The following SDK2 variants were observed in gnomAD, a reference collection of about 807,000 sequenced individuals.
SDK2 encodes protein sidekick-2.
Under a neutral mutation model 253.9 loss-of-function variants are expected in SDK2, and 105 were observed. The observed-to-expected ratio is 0.41, with a 90% CI of 0.35 to 0.49. The LOEUF is 0.49. Ranked by LOEUF, SDK2 falls within the 20% of genes least tolerant of loss-of-function variation. The probability of loss-of-function intolerance (pLI) is 0.06; values close to 1 mark genes in which losing one functional copy is unlikely to be tolerated. For missense variants in SDK2, 2,608 were observed against 3,003.0 expected (o/e 0.87, Z 3.07); for synonymous variants, 1,249 against 1,234.9 (o/e 1.01, Z -0.24).
At chr17:73,343,368 T>G (rs1407071728) in intron 44 of SDK2, among the ~76,000 whole-genome samples, 1 of 152,252 alleles carries the variant, frequency 6.6e-6, no homozygotes, top group Admixed American at 6.5e-5. Flanking sequence ...CAGCGACTGC[T>G]GCTCCCGCCT....
chr17:73,517,035 C>CA (rs1390427886), intron 1 of SDK2: 5 of 152,080 alleles, frequency 3.3e-5, no homozygotes, highest in Non-Finnish European at 5.9e-5. Context: ...TACGTCCAGC[C>CA]AAAAAAGTCA....
At position 73,361,776 on chromosome 17, in the gene SDK2, G is replaced by T; in HGVS notation, c.5375C>A (p.Ala1792Glu). 3 of 1,612,310 alleles carry T rather than the reference G, an allele frequency of 1.9e-6. No individual in the cohort carries two copies. Among genetic ancestry groups the T allele is most frequent in the Non-Finnish European group, 2.5e-6 (3 of 1,179,146 alleles). The change falls in exon 39 of 45, where the codon GCG (alanine) becomes GAG (glutamate). Residue 1792 changes from alanine to glutamate, a missense_variant. Ala to Glu is a moderately radical substitution (Grantham distance 107). This residue lies in a region of SDK2 where 1,103 missense variants were observed against 1,143.9 expected (regional missense o/e 0.96). Coordinates refer to ENST00000392650, the MANE Select transcript of SDK2 (RefSeq NM_001144952.2). This position sits in a 1 kb window ranked among gnomAD's most constrained non-coding sequence, Gnocchi z 4.1. ...GCGGAACCTGTAGGTCACCCCCTCC[G>T]CCAGGTCCTTCACCTTCAGCCACAG... is the stretch of plus-strand genomic sequence containing the variant. Reference protein sequence around the residue: ...SPLWLKVKDLAEGVTYRFRIR... With the variant: ...SPLWLKVKDLEEGVTYRFRIR...
chr17:73,341,051 T>G (rs1344889748), intron 44 of SDK2, among the ~76,000 whole-genome samples: 2 of 150,714 alleles, frequency 1.3e-5, no homozygotes, highest in Admixed American at 6.6e-5. Flanking sequence ...GTCTGTTTTT[T>G]TTTTTTTTTT....
At position 73,424,111 on chromosome 17, in the gene SDK2, C is replaced by T. The variant is rs778094931; in HGVS notation, c.1584-19G>A. 27 of 1,602,784 alleles carry T rather than the reference C, an allele frequency of 1.7e-5. No homozygotes were observed. In the African/African-American group the frequency reaches 2.0e-4, roughly 12 times the overall value. ...GATGTACCTAAAAGTAAGAAGAACC[C>T]GTAAGTACAGAGGGAGAGGAAGGTA... is the stretch of plus-strand genomic sequence containing the variant. On this transcript the variant is annotated intron_variant, in intron 12 of 44. Transcript: ENST00000392650.
At chr17:73,494,261 C>A (rs564787868) in intron 2 of SDK2, among the ~76,000 whole-genome samples, 32 of 152,306 alleles carry the variant, frequency 2.1e-4, no homozygotes, top group African/African-American at 7.5e-4. Flanking sequence ...ATGCCATGTC[C>A]CCCAAGGAGT....
intron 2 of SDK2, among the ~76,000 whole-genome samples, chr17:73,483,503 GTGTGTGTA>G (rs1420766129): frequency 6.9e-5 from 7 of 101,904 alleles, no homozygotes; most frequent in African/African-American, 2.4e-4. Flanking sequence ...GTGTGTGTGT[GTGTGTGTA>G]TGTGTGTGTG....
intron 3 of SDK2, among the ~76,000 whole-genome samples, chr17:73,471,233 C>T (rs1438555480): frequency 2.0e-5 from 3 of 152,158 alleles, no homozygotes; most frequent in Non-Finnish European, 4.4e-5. Flanking sequence ...AGGCACCTCC[C>T]AGCACCCCCG....
chr17:73,364,846 C>T (rs538187980), intron 38 of SDK2, among the ~76,000 whole-genome samples: 1 of 152,214 alleles, frequency 6.6e-6, no homozygotes, highest in African/African-American at 2.4e-5. Flanking sequence ...GGTCTTGGAA[C>T]TCCTGACCTC....
chr17:73,643,673 G>A lies in SDK2; in HGVS notation c.64+352C>T, dbSNP rs2143329922. Among the ~76,000 whole-genome samples, 1 of 152,236 alleles carries A rather than the reference G, an allele frequency of 6.6e-6. No homozygotes were observed. Among genetic ancestry groups the A allele is most frequent in the South Asian group, 2.1e-4 (1 of 4,832 alleles). Reference sequence around the variant, plus strand: ...TCGGTCTGGGAAGCTCAGCGTAGCCGAGCGTGGAGCCCGGCACGGAATGTC... The same window carrying A: ...TCGGTCTGGGAAGCTCAGCGTAGCCAAGCGTGGAGCCCGGCACGGAATGTC... On this transcript the variant is annotated intron_variant, in intron 1 of 44. Coordinates refer to ENST00000392650, the MANE Select transcript of SDK2 (RefSeq NM_001144952.2). This position sits in a 1 kb window ranked among gnomAD's most constrained non-coding sequence, Gnocchi z 6.9.
At chr17:73,424,767 T>C (rs992143542) in intron 12 of SDK2, among the ~76,000 whole-genome samples, 2 of 152,200 alleles carry the variant, frequency 1.3e-5, no homozygotes, top group African/African-American at 4.8e-5. Context: ...TCAGTACAAG[T>C]GTGAGGAACC....
chr17:73,371,390 G>A (rs1275003765), intron 36 of SDK2, among the ~76,000 whole-genome samples: 1 of 152,156 alleles, frequency 6.6e-6, no homozygotes, highest in East Asian at 1.9e-4. Context: ...GGAAGCTGAG[G>A]AAAGCAAGCA....
chr17:73,344,816 G>A (rs2062468792), intron 44 of SDK2, among the ~76,000 whole-genome samples: 1 of 152,212 alleles, frequency 6.6e-6, no homozygotes, highest in African/African-American at 2.4e-5. Flanking sequence ...AAAGGTCAGA[G>A]CCGTTCAGTA....
intron 2 of SDK2, among the ~76,000 whole-genome samples, chr17:73,503,313 T>A (rs939272788): frequency 2.6e-5 from 4 of 152,202 alleles, no homozygotes; most frequent in Non-Finnish European, 5.9e-5. Flanking sequence ...CAGTATTGTA[T>A]CATTGTTAAA....
At chr17:73,420,275 CT>C (rs1339461858) in intron 15 of SDK2, among the ~76,000 whole-genome samples, 1 of 152,258 alleles carries the variant, frequency 6.6e-6, no homozygotes, top group African/African-American at 2.4e-5. Flanking sequence ...TGATGGATGA[CT>C]TTCCCTTTTT....
At position 73,522,407 on chromosome 17, in the gene SDK2, G is replaced by GA. The variant is rs571030620; in HGVS notation, c.65-14811dup. ...GCTTGGGGAAGCAGAGGAGTCTGCT[G>GA]AAGGGGGGCAGTTGGTGGTGGGGAG... On this transcript the variant is annotated intron_variant, in intron 1 of 44. Coordinates refer to ENST00000392650, the MANE Select transcript of SDK2 (RefSeq NM_001144952.2). Among the ~76,000 whole-genome samples, 73 of 152,376 alleles carry GA rather than the reference G, an allele frequency of 4.8e-4. 1 individual carries two copies. The South Asian group carries it at 0.015, about 32-fold the overall frequency.
intron 36 of SDK2, chr17:73,369,257 G>A (rs1349942632): frequency 1.1e-5 from 5 of 447,522 alleles, no homozygotes; most frequent in East Asian, 7.2e-5. Context: ...GCAGTGTGGA[G>A]TCTATCCAGA....
In SDK2 at chr17:73,612,107, C is replaced by T. The variant is rs867780587; in HGVS notation, c.64+31918G>A. 2.6e-5 allele frequency among the ~76,000 whole-genome samples: 4 copies of T among 152,198 alleles called. No individual in the cohort carries two copies. Among genetic ancestry groups the T allele is most frequent in the South Asian group, 2.1e-4 (1 of 4,838 alleles). ...TGAGTTGATTTTATTAGTTTGCAAA[C>T]GCATTGAGAACTCGTTATGAAAATA... On this transcript the variant is annotated intron_variant, in intron 1 of 44. Coordinates refer to ENST00000392650, the MANE Select transcript of SDK2 (RefSeq NM_001144952.2). This position sits in a 1 kb window ranked among gnomAD's most constrained non-coding sequence, Gnocchi z 4.4.
chr17:73,498,596 T>G (rs1481848390), intron 2 of SDK2, among the ~76,000 whole-genome samples: 1 of 152,218 alleles, frequency 6.6e-6, no homozygotes, highest in Non-Finnish European at 1.5e-5. Context: ...CTGGCACTTG[T>G]CTTAACTTTA....
chr17:73,530,914 C>T (rs759920820), intron 1 of SDK2, among the ~76,000 whole-genome samples: 9 of 152,328 alleles, frequency 5.9e-5, no homozygotes, highest in African/African-American at 9.6e-5. Context: ...TCTCCCTAAT[C>T]ACCAGCCCTA....
Sources: allele counts gnomAD v4.1 joint callset (sites outside exome capture counted in the v4.1 genomes callset), GRCh38; gene constraint gnomAD v4.1.1; regional missense constraint gnomAD v4.1.1; non-coding constraint Gnocchi (gnomAD v3.1); transcripts MANE v1.5; gene names NCBI Gene and HGNC (gene_info 2026-07-23, HGNC 2026-07-21).